Variants in CALN1 observed in about 807,000 individuals in gnomAD.
CALN1 encodes the protein calcium-binding protein 8.
Under a neutral mutation model 30.6 loss-of-function variants are expected in CALN1, and 17 were observed. The ratio of observed to expected loss-of-function variants is 0.56; its 90% CI spans 0.38 to 0.83. The LOEUF (loss-of-function observed/expected upper bound fraction) is 0.83, where lower values mean the gene tolerates loss of function less well. CALN1 is among the 40% of genes least tolerant of loss of function. The pLI is 0.00. For missense variants in CALN1, 291 were observed against 354.9 expected (o/e 0.82, Z 1.45); for synonymous variants, 156 against 131.4 (o/e 1.19, Z -1.28).
At chr7:72,262,251 G>C (rs567291056) in intron 3 of CALN1, among the ~76,000 whole-genome samples, 1 of 152,212 alleles carries the variant, frequency 6.6e-6, no homozygotes, top group African/African-American at 2.4e-5. Context: ...CCTGATCCTT[G>C]AGAGCATCAC....
Position 71,897,975 on chromosome 7 carries a change from A to AAC in CALN1, c.502-87484_502-87483insGT, listed in dbSNP as rs1554372047. The stretch of plus-strand genomic sequence containing the variant: ...AGTGTTGGAAAAAAACAAAAAACAA[A>AAC]AAAAAAAAAAAAAAAAAGAGAGAGA... On this transcript the variant is annotated intron_variant, in intron 5 of 6. Transcript: ENST00000395275. Among the ~76,000 whole-genome samples the AAC allele has an allele frequency of 4.6e-3, 539 of 116,528 alleles. 3 individuals are homozygous for AAC. The highest frequency in any genetic ancestry group is 0.022 in the African/African-American group (520 of 24,102). The allele number at this position is 116,528 out of a possible 152,430, so 76.4% of individuals were successfully genotyped here.
chr7:72,377,363 A>T (rs1804621250), intron 2 of CALN1, among the ~76,000 whole-genome samples: 1 of 150,510 alleles, frequency 6.6e-6, no homozygotes, highest in South Asian at 2.1e-4. Context: ...TAGTAAGTTC[A>T]CCATCTGGAC....
chr7:72,354,525 T>G (rs2129559463), intron 2 of CALN1, among the ~76,000 whole-genome samples: 1 of 152,334 alleles, frequency 6.6e-6, no homozygotes. Context: ...AAAGACTTTC[T>G]TTCCAACTGA....
intron 5 of CALN1, among the ~76,000 whole-genome samples, chr7:71,869,227 T>G (rs1791778344): frequency 1.3e-5 from 2 of 151,974 alleles, no homozygotes; most frequent in African/African-American, 4.8e-5. Context: ...TTTTTTTTTT[T>G]GAGATGGAGT....
At position 72,094,534 on chromosome 7, in the gene CALN1, G is replaced by A. The variant is rs184566464; in HGVS notation, c.388+11617C>T. On this transcript the variant is annotated intron_variant, in intron 4 of 6. Coordinates refer to ENST00000395275, the MANE Select transcript of CALN1 (RefSeq NM_031468.4). ...CTCCCAAAGTGCTGGGATTACAGGC[G>A]TGAGCCACCATGCCTGGCCCAGAAT... Among the ~76,000 whole-genome samples, 1,073 of 152,236 alleles carry A rather than the reference G, an allele frequency of 7.0e-3. 16 individuals carry two copies. Among genetic ancestry groups the A allele is most frequent in the South Asian group, 0.04 (193 of 4,816 alleles).
chr7:72,330,530 G>C (rs1366930759), intron 2 of CALN1, among the ~76,000 whole-genome samples: 1 of 150,242 alleles, frequency 6.7e-6, no homozygotes, highest in Non-Finnish European at 1.5e-5. Flanking sequence ...AGCAGTGCTT[G>C]CATCTGTCTC....
At chr7:72,326,391 C>T (rs752791021) in intron 2 of CALN1, among the ~76,000 whole-genome samples, 33 of 152,182 alleles carry the variant, frequency 2.2e-4, no homozygotes, top group Non-Finnish European at 4.0e-4. Flanking sequence ...TCTGTTTCTT[C>T]ATCTGTAAAA....
intron 4 of CALN1, among the ~76,000 whole-genome samples, chr7:72,062,539 ATAAATAAAT>A (rs1803737668): frequency 7.1e-6 from 1 of 139,962 alleles, no homozygotes; most frequent in Admixed American, 7.1e-5. Context: ...AAGAAAAAAA[ATAAATAAAT>A]AAAATGATAC....
intron 3 of CALN1, among the ~76,000 whole-genome samples, chr7:72,249,014 T>TA (rs1287439501): frequency 3.9e-5 from 6 of 152,120 alleles, no homozygotes; most frequent in South Asian, 2.1e-4. Flanking sequence ...CAAATTAATT[T>TA]AAAAAATCAC....
At chr7:72,189,087 A>C (rs556276380) in intron 3 of CALN1, among the ~76,000 whole-genome samples, 6 of 152,206 alleles carry the variant, frequency 3.9e-5, no homozygotes, top group Non-Finnish European at 8.8e-5. Flanking sequence ...TCAGAGCCAA[A>C]ATTAAGAGAC....
At chr7:72,107,378 A>C (rs989902267) in intron 3 of CALN1, among the ~76,000 whole-genome samples, 5 of 152,242 alleles carry the variant, frequency 3.3e-5, no homozygotes, top group African/African-American at 1.2e-4. Context: ...TTGTAGATAT[A>C]AACAACCTCA....
intron 3 of CALN1, among the ~76,000 whole-genome samples, chr7:72,109,235 G>A (rs1214165260): frequency 2.6e-5 from 4 of 152,132 alleles, no homozygotes; most frequent in Non-Finnish European, 5.9e-5. Flanking sequence ...CCAGCAGAGA[G>A]AAGACCACCC....
At chr7:72,455,308 A>AATAT in the CALN1 span, among the ~76,000 whole-genome samples, 5 of 139,622 alleles carry the variant, frequency 3.6e-5, no homozygotes, top group African/African-American at 8.1e-5. Flanking sequence ...TTCTAGAAAC[A>AATAT]ATATATATAT....
chr7:72,200,548 A>G (rs183990939), intron 3 of CALN1, among the ~76,000 whole-genome samples: 2 of 152,300 alleles, frequency 1.3e-5, no homozygotes, highest in African/African-American at 4.8e-5. Context: ...GAGTAGCTCC[A>G]TAACTAGCTC....
chr7:72,360,030 C>G (rs958981937), intron 2 of CALN1, among the ~76,000 whole-genome samples: 5 of 146,350 alleles, frequency 3.4e-5, no homozygotes, highest in African/African-American at 1.0e-4. Flanking sequence ...GTGAATGTCC[C>G]AAAATACATA....
chr7:72,007,932 A>G (rs1266312008), intron 5 of CALN1, among the ~76,000 whole-genome samples: 3 of 152,208 alleles, frequency 2.0e-5, no homozygotes, highest in Admixed American at 2.0e-4. Context: ...GGCAGGCAAT[A>G]TCAAATACAC....
At chr7:72,180,948 A>C (rs1789737111) in intron 3 of CALN1, among the ~76,000 whole-genome samples, 1 of 151,902 alleles carries the variant, frequency 6.6e-6, no homozygotes, top group Non-Finnish European at 1.5e-5. Context: ...AAATACAAAA[A>C]ATTATCCAGA....
chr7:72,122,515 T>G (rs946473545), intron 3 of CALN1, among the ~76,000 whole-genome samples: 43 of 152,232 alleles, frequency 2.8e-4, no homozygotes, highest in African/African-American at 1.0e-3. Context: ...GGTGTGAGGA[T>G]GACTTGAGGC....
At chr7:72,238,073 G>A (rs989017987) in intron 3 of CALN1, among the ~76,000 whole-genome samples, 2 of 152,140 alleles carry the variant, frequency 1.3e-5, no homozygotes, top group African/African-American at 2.4e-5. Context: ...GAAGACAGCC[G>A]GGTTCACCAA....
Sources: allele counts gnomAD v4.1 joint callset (sites outside exome capture counted in the v4.1 genomes callset), GRCh38; gene constraint gnomAD v4.1.1; transcripts MANE v1.5; gene names NCBI Gene and HGNC (gene_info 2026-07-23, HGNC 2026-07-21).